ATG7: variants seen among roughly 807,000 people sequenced by gnomAD.
ATG7 encodes ubiquitin-like modifier-activating enzyme ATG7.
A neutral mutation model predicts 82.4 loss-of-function variants in ATG7; 70 were observed. The observed-to-expected ratio is 0.85, with a 90% CI of 0.70 to 1.04. The LOEUF (loss-of-function observed/expected upper bound fraction) is 1.04, where lower values mean the gene tolerates loss of function less well. Ranked by LOEUF, ATG7 falls within the 50% of genes least tolerant of loss-of-function variation. The pLI is 0.00. For missense variants in ATG7, 792 were observed against 864.3 expected (o/e 0.92, Z 1.05); for synonymous variants, 287 against 313.0 (o/e 0.92, Z 0.88).
chr3:11,442,055 G>A (rs937150552), intron 20 of ATG7, among the ~76,000 whole-genome samples: 3 of 152,092 alleles, frequency 2.0e-5, no homozygotes, highest in Non-Finnish European at 2.9e-5. Context: ...CACCTGCTTC[G>A]ACTTCACAAA....
chr3:11,450,240 T>C (rs748070198), intron 20 of ATG7, among the ~76,000 whole-genome samples: 31 of 152,344 alleles, frequency 2.0e-4, no homozygotes, highest in Non-Finnish European at 3.5e-4. Context: ...AGCCAAGTCG[T>C]TTGGCTCCAG....
intron 20 of ATG7, among the ~76,000 whole-genome samples, chr3:11,465,444 C>CAAAAA (rs34071637): frequency 4.5e-4 from 52 of 116,800 alleles, no homozygotes; most frequent in African/African-American, 1.5e-3. Context: ...GACTCTGTCT[C>CAAAAA]AAAAAAAAAA....
At chr3:11,284,004 A>G (rs976705341) in intron 3 of ATG7, among the ~76,000 whole-genome samples, 2 of 152,068 alleles carry the variant, frequency 1.3e-5, no homozygotes, top group African/African-American at 4.8e-5. Flanking sequence ...CACACAGAAA[A>G]ATCAGAGTGT....
At chr3:11,558,534 G>A (rs1301228010), downstream of ATG7, 1 of 1,581,004 alleles carries the variant, frequency 6.3e-7, no homozygotes, top group Non-Finnish European at 8.6e-7. Context: ...AGATCCACGT[G>A]TTGTTGGAGG....
At chr3:11,411,428 A>T (rs965502175) in intron 19 of ATG7, among the ~76,000 whole-genome samples, 5 of 152,164 alleles carry the variant, frequency 3.3e-5, no homozygotes, top group African/African-American at 9.6e-5. Context: ...GATGGAGACC[A>T]TCCTGGCCAA....
At chr3:11,426,762 A>T (rs775150052) in intron 19 of ATG7, 42 bp from the exon 20 acceptor site, 8 of 1,496,550 alleles carry the variant, frequency 5.3e-6, no homozygotes, top group Non-Finnish European at 7.2e-6. Context: ...TTTGCATTTT[A>T]AGTCTGGAGA....
At chr3:11,361,892 A>G (rs1175112191) in intron 16 of ATG7, among the ~76,000 whole-genome samples, 1 of 152,194 alleles carries the variant, frequency 6.6e-6, no homozygotes, top group South Asian at 2.1e-4. Context: ...GAAACAATGC[A>G]GAGATGTTTT....
At chr3:11,451,902 GAC>G (rs750720833) in intron 20 of ATG7, among the ~76,000 whole-genome samples, 32 of 127,064 alleles carry the variant, frequency 2.5e-4, no homozygotes, top group Non-Finnish European at 3.6e-4. Flanking sequence ...CACACACACA[GAC>G]ACACACACAC....
At chr3:11,468,772 G>T (rs17535764) in intron 20 of ATG7, among the ~76,000 whole-genome samples, 4,010 of 152,270 alleles carry the variant, frequency 0.026, 73 homozygotes, top group Non-Finnish European at 0.042. Flanking sequence ...AAAATGTTAC[G>T]TGTGTGTATT....
chr3:11,541,665 T>A (rs1317614425), intron 20 of ATG7, among the ~76,000 whole-genome samples: 1 of 152,174 alleles, frequency 6.6e-6, no homozygotes, highest in African/African-American at 2.4e-5. Context: ...ATATCCTGCG[T>A]CCTCCCCACC....
At chr3:11,293,363 C>G (rs938652617) in intron 3 of ATG7, among the ~76,000 whole-genome samples, 6 of 150,922 alleles carry the variant, frequency 4.0e-5, no homozygotes, top group Non-Finnish European at 8.8e-5. Context: ...AACCCCATCT[C>G]TCCCAAAAAT....
At chr3:11,417,846 C>A (rs2081534615) in intron 19 of ATG7, among the ~76,000 whole-genome samples, 1 of 135,180 alleles carries the variant, frequency 7.4e-6, no homozygotes, top group Non-Finnish European at 1.5e-5. Context: ...GAGTCTTGCT[C>A]TATCACCCAG....
chr3:11,554,765 C>G, intron 20 of ATG7, 46 bp from the exon 21 acceptor site: 1 of 1,606,902 alleles, frequency 6.2e-7, no homozygotes, highest in Non-Finnish European at 8.5e-7. Context: ...TGCCCCCCAC[C>G]GGGCAGTGGG....
chr3:11,330,767 C>A (rs567929536), intron 9 of ATG7, among the ~76,000 whole-genome samples: 1 of 152,284 alleles, frequency 6.6e-6, no homozygotes, highest in East Asian at 1.9e-4. Context: ...CTTCTGCCAG[C>A]AGAAGTCTTC....
At chr3:11,571,743 A>G in the ATG7 span, among the ~76,000 whole-genome samples, 1 of 152,196 alleles carries the variant, frequency 6.6e-6, no homozygotes, top group Non-Finnish European at 1.5e-5. Flanking sequence ...AATCAACTCC[A>G]TGGACCCGGC....
chr3:11,348,286 G>A, intron 14 of ATG7: 2 of 446,180 alleles, frequency 4.5e-6, no homozygotes, highest in East Asian at 4.1e-5. Flanking sequence ...TCTTGGTCTT[G>A]CTGACTTCAA....
intron 19 of ATG7, among the ~76,000 whole-genome samples, chr3:11,409,775 C>CCT (rs2080718991): frequency 1.4e-5 from 2 of 144,368 alleles, no homozygotes; most frequent in South Asian, 4.3e-4. Context: ...TGTCTAGATT[C>CCT]TTTTTTTTTT....
chr3:11,327,878 G>A (rs957205901), intron 9 of ATG7, among the ~76,000 whole-genome samples: 4 of 152,192 alleles, frequency 2.6e-5, no homozygotes, highest in Non-Finnish European at 4.4e-5. Context: ...GGAGGAGGCC[G>A]GGGATTCTGC....
At chr3:11,295,882 A>C (rs968150065) in intron 3 of ATG7, among the ~76,000 whole-genome samples, 2 of 150,400 alleles carry the variant, frequency 1.3e-5, no homozygotes, top group African/African-American at 4.9e-5. Flanking sequence ...TGTCTCCTGC[A>C]GTTCTCCTGC....
Sources: allele counts gnomAD v4.1 joint callset (sites outside exome capture counted in the v4.1 genomes callset), GRCh38; gene constraint gnomAD v4.1.1; transcripts MANE v1.5; gene names NCBI Gene and HGNC (gene_info 2026-07-23, HGNC 2026-07-21).